LRBA: variants seen among roughly 807,000 people sequenced by gnomAD.
LRBA encodes the protein LPS responsive beige-like anchor protein, also known as lipopolysaccharide-responsive and beige-like anchor protein.
A neutral mutation model predicts 330.0 loss-of-function variants in LRBA; 176 were observed. The ratio of observed to expected loss-of-function variants is 0.53; its 90% CI spans 0.47 to 0.60. The LOEUF (loss-of-function observed/expected upper bound fraction) is 0.60. LRBA is among the 20% of genes least tolerant of loss of function. The probability of loss-of-function intolerance (pLI) is 0.00; values close to 1 mark genes in which losing one functional copy is unlikely to be tolerated. For missense variants in LRBA, 3,259 were observed against 3,444.8 expected (o/e 0.95, Z 1.35); for synonymous variants, 1,230 against 1,193.0 (o/e 1.03, Z -0.64).
chr4:150,525,008 A>G (rs1252807380), intron 40 of LRBA, among the ~76,000 whole-genome samples: 3 of 152,150 alleles, frequency 2.0e-5, no homozygotes, highest in African/African-American at 2.4e-5. Context: ...ATATCTTGAT[A>G]TTTGTTTGGA....
intron 37 of LRBA, among the ~76,000 whole-genome samples, chr4:150,607,391 T>C (rs1774758261): frequency 6.7e-6 from 1 of 150,042 alleles, no homozygotes; most frequent in Non-Finnish European, 1.5e-5. Flanking sequence ...ATATGGGAGG[T>C]GAGGAAAAAG....
intron 37 of LRBA, among the ~76,000 whole-genome samples, chr4:150,600,233 C>A (rs1773977055): frequency 6.6e-6 from 1 of 151,990 alleles, no homozygotes; most frequent in Non-Finnish European, 1.5e-5. Flanking sequence ...AAAAATTATT[C>A]ATAATCAAAA....
intron 28 of LRBA, chr4:150,840,769 C>G (rs1438616779): frequency 7.4e-6 from 2 of 270,112 alleles, no homozygotes; most frequent in Non-Finnish European, 1.3e-5. Context: ...TAGTTCAACA[C>G]AGAGTTGCCA....
At position 150,893,045 on chromosome 4, in the gene LRBA, C is replaced by T. The variant is rs1729631152; in HGVS notation, c.2165+7G>A. The T allele has an allele frequency of 1.3e-6, 2 of 1,571,494 alleles. No individual in the cohort carries two copies. Among genetic ancestry groups the T allele is most frequent in the Non-Finnish European group, 8.7e-7 (1 of 1,150,742 alleles). ...TCCCTTATATGAAATAGATTAAAAA[C>T]TCTTACCGTAACCCATTCCTTTGGT... On this transcript the variant is annotated splice_region_variant and intron_variant, in intron 17 of 56. Transcript: ENST00000651943.
chr4:150,737,645 A>G (rs1237037353), intron 35 of LRBA, among the ~76,000 whole-genome samples: 18 of 152,156 alleles, frequency 1.2e-4, no homozygotes, highest in African/African-American at 2.4e-5. Flanking sequence ...GGAAAAAAAA[A>G]AGAGTATTTT....
intron 2 of LRBA, among the ~76,000 whole-genome samples, chr4:150,990,552 AC>A (rs1561100812): frequency 2.0e-5 from 3 of 150,294 alleles, no homozygotes; most frequent in African/African-American, 7.4e-5. Context: ...AGACAACAAA[AC>A]CCCGTCTCTA....
chr4:150,993,813 C>T (rs1277032497), intron 2 of LRBA, among the ~76,000 whole-genome samples: 2 of 151,982 alleles, frequency 1.3e-5, no homozygotes, highest in Non-Finnish European at 2.9e-5. Flanking sequence ...ACACCGGGTC[C>T]CTCCCACAAC....
At chr4:150,508,228 AT>A in intron 40 of LRBA, among the ~76,000 whole-genome samples, 1 of 99,848 alleles carries the variant, frequency 1.0e-5, no homozygotes, top group Non-Finnish European at 2.0e-5. Flanking sequence ...AAATAATAAA[AT>A]TTAAAAAAAA....
chr4:150,840,680 T>G (rs1748936958), intron 28 of LRBA: 1 of 158,658 alleles, frequency 6.3e-6, no homozygotes, highest in East Asian at 1.9e-4. Context: ...AATGAAAAGG[T>G]TTGAAATATT....
intron 34 of LRBA, among the ~76,000 whole-genome samples, chr4:150,781,671 G>A (rs1199941566): frequency 6.6e-6 from 1 of 152,128 alleles, no homozygotes; most frequent in Non-Finnish European, 1.5e-5. Flanking sequence ...AAATAAAACA[G>A]GACTGATAAA....
At chr4:150,726,976 G>C (rs1385343513) in intron 36 of LRBA, among the ~76,000 whole-genome samples, 1 of 121,536 alleles carries the variant, frequency 8.2e-6, no homozygotes. Flanking sequence ...CAGATCTCAC[G>C]GACAAAAAAA....
At chr4:150,668,593 T>C (rs1472089398) in intron 37 of LRBA, among the ~76,000 whole-genome samples, 1 of 152,240 alleles carries the variant, frequency 6.6e-6, no homozygotes, top group Admixed American at 6.5e-5. Flanking sequence ...TCTTTAAAGC[T>C]TGGAACCTGT....
intron 34 of LRBA, among the ~76,000 whole-genome samples, chr4:150,773,357 T>G (rs892687258): frequency 1.3e-5 from 2 of 152,198 alleles, no homozygotes; most frequent in African/African-American, 4.8e-5. Context: ...TGGTCCTTAT[T>G]GACAAGTATG....
At chr4:150,456,542 C>A (rs551129852) in intron 44 of LRBA, among the ~76,000 whole-genome samples, 2 of 152,134 alleles carry the variant, frequency 1.3e-5, no homozygotes, top group Admixed American at 1.3e-4. Context: ...TTCCTATAGA[C>A]CTGCTTGAGC....
rs34030435 is a variant in LRBA at position 150,384,753 on chromosome 4, CT to C, written c.7194+30684del. Among the ~76,000 whole-genome samples, 1,216 of 144,304 alleles carry C rather than the reference CT, an allele frequency of 8.4e-3. 17 individuals carry two copies. The highest frequency in any genetic ancestry group is 0.028 in the African/African-American group (1,085 of 39,422). The allele number at this position is 144,304 out of a possible 152,430, so 94.7% of individuals were successfully genotyped here. On this transcript the variant is annotated intron_variant, in intron 47 of 56. Transcript: ENST00000651943. ...ATTTATAAAATACAAACTTTAATTT[CT>C]TTTTTTTTTTTCAGAGGAAAGAATT...
At chr4:150,519,025 T>TC (rs1165521126) in intron 40 of LRBA, among the ~76,000 whole-genome samples, 1 of 152,144 alleles carries the variant, frequency 6.6e-6, no homozygotes, top group Non-Finnish European at 1.5e-5. Context: ...TATAGTCCTT[T>TC]CCTAGATAAT....
intron 28 of LRBA, among the ~76,000 whole-genome samples, chr4:150,841,949 C>T (rs948841891): frequency 9.9e-5 from 15 of 152,142 alleles, no homozygotes; most frequent in African/African-American, 3.6e-4. Flanking sequence ...AGCCACCGCA[C>T]CCACCCAGTG....
At chr4:150,469,271 T>G (rs1273487688) in intron 43 of LRBA, among the ~76,000 whole-genome samples, 1 of 152,170 alleles carries the variant, frequency 6.6e-6, no homozygotes, top group East Asian at 1.9e-4. Context: ...TTTATCTATA[T>G]GTGGCACAAA....
intron 40 of LRBA, among the ~76,000 whole-genome samples, chr4:150,509,170 T>C (rs1761524949): frequency 6.6e-6 from 1 of 152,058 alleles, no homozygotes; most frequent in Non-Finnish European, 1.5e-5. Flanking sequence ...TTCCACAAAA[T>C]ATACATATTA....
Sources: allele counts gnomAD v4.1 joint callset (sites outside exome capture counted in the v4.1 genomes callset), GRCh38; gene constraint gnomAD v4.1.1; transcripts MANE v1.5; gene names NCBI Gene and HGNC (gene_info 2026-07-23, HGNC 2026-07-21).